Variants in APLF observed in about 807,000 individuals in gnomAD.
APLF encodes aprataxin and PNKP like factor.
APLF carries 61 observed loss-of-function variants against 55.6 expected under a neutral mutation model. The ratio of observed to expected loss-of-function variants is 1.10; its 90% CI spans 0.89 to 1.36. The LOEUF (loss-of-function observed/expected upper bound fraction) is 1.36, where lower values mean the gene tolerates loss of function less well. Among genes scored for constraint, APLF ranks in the 40% most tolerant of loss-of-function variants. The probability of loss-of-function intolerance (pLI) is 0.00; values close to 1 mark genes in which losing one functional copy is unlikely to be tolerated. For synonymous variants in APLF, 207 were observed against 214.8 expected (o/e 0.96, Z 0.32); for missense variants, 611 against 602.5 (o/e 1.01, Z -0.15).
chr2:68,551,778 G>A (rs1283285368), intron 8 of APLF, among the ~76,000 whole-genome samples: 1 of 146,552 alleles, frequency 6.8e-6, no homozygotes, highest in Non-Finnish European at 1.5e-5. Context: ...TTGATTGTTG[G>A]GTCATATTTT....
At chr2:68,501,569 A>G (rs568060235) in intron 2 of APLF, among the ~76,000 whole-genome samples, 86 of 152,312 alleles carry the variant, frequency 5.6e-4, no homozygotes, top group African/African-American at 1.9e-3. Flanking sequence ...GAATCTAGTT[A>G]GAATTTTTAA....
chr2:68,495,378 A>G (rs936925792), intron 2 of APLF, among the ~76,000 whole-genome samples: 2 of 152,202 alleles, frequency 1.3e-5, no homozygotes, highest in Middle Eastern at 3.2e-3. Context: ...GCCCAACACA[A>G]GTTCAAAACC....
At chr2:68,484,930 C>G (rs1206110217) in intron 1 of APLF, among the ~76,000 whole-genome samples, 1 of 151,908 alleles carries the variant, frequency 6.6e-6, no homozygotes, top group Non-Finnish European at 1.5e-5. Context: ...GCAATTTAAT[C>G]AAATAAGGTA....
intron 8 of APLF, among the ~76,000 whole-genome samples, chr2:68,553,139 C>T (rs549808686): frequency 4.3e-4 from 66 of 152,180 alleles, no homozygotes; most frequent in African/African-American, 1.5e-3. Flanking sequence ...GACTGTTAGT[C>T]TTGGCTTTCT....
chr2:68,497,749 G>A (rs556605954), intron 2 of APLF, among the ~76,000 whole-genome samples: 2 of 152,124 alleles, frequency 1.3e-5, no homozygotes, highest in African/African-American at 4.8e-5. Flanking sequence ...AGCACCTCCT[G>A]CCAGGCCCCA....
At chr2:68,521,796 T>C (rs1477302479) in intron 5 of APLF, among the ~76,000 whole-genome samples, 1 of 152,000 alleles carries the variant, frequency 6.6e-6, no homozygotes, top group East Asian at 1.9e-4. Context: ...CCCCATACTG[T>C]TTGGCTTGCA....
At position 68,558,270 on chromosome 2, in the gene APLF, A is replaced by G. The variant is rs560365244; in HGVS notation, c.1287-9071A>G. Among the ~76,000 whole-genome samples the G allele has an allele frequency of 2.6e-3, 402 of 152,292 alleles. 3 individuals are homozygous for G. Among genetic ancestry groups the G allele is most frequent in the Non-Finnish European group, 4.2e-3 (284 of 68,024 alleles). ...TTGTTATATTTACTGTTAATTACACATATATAAAAATTTTCAGAGTTATTT... is the reference window on the plus strand; with the variant it reads ...TTGTTATATTTACTGTTAATTACACGTATATAAAAATTTTCAGAGTTATTT... On this transcript the variant is annotated intron_variant, in intron 8 of 9. Transcript: ENST00000303795.
intron 3 of APLF, among the ~76,000 whole-genome samples, chr2:68,512,606 T>C (rs549461238): frequency 6.6e-6 from 1 of 151,910 alleles, no homozygotes; most frequent in South Asian, 2.1e-4. Flanking sequence ...TACTACAAGT[T>C]TGGGGATATT....
intron 7 of APLF, among the ~76,000 whole-genome samples, chr2:68,539,793 T>A (rs1670496495): frequency 6.6e-6 from 1 of 152,184 alleles, no homozygotes; most frequent in South Asian, 2.1e-4. Flanking sequence ...GCTAACTTCA[T>A]ACTTAATGGT....
chr2:68,518,264 GATAAT>G (rs1669707101), intron 5 of APLF, among the ~76,000 whole-genome samples: 1 of 113,550 alleles, frequency 8.8e-6, no homozygotes, highest in African/African-American at 3.6e-5. Context: ...ATTATGAATA[GATAAT>G]ATATCAGTAT....
chr2:68,467,773 C>G lies in APLF; in HGVS notation c.42C>G (p.Pro14=). The part of the protein sequence containing the change: ...GFELQPRDGG[P]RVALAPGETV... ...AGCTGCAGCCGCGGGACGGCGGTCC[C>G]CGGGTGGCCCTGGCGCCCGGGGAGA... The change falls in exon 1 of 10, where the codon CCC becomes CCG. Residue 14 remains proline, a synonymous_variant. Coordinates refer to ENST00000303795, the MANE Select transcript of APLF (RefSeq NM_173545.3). 1 of 1,234,544 alleles carries G rather than the reference C, an allele frequency of 8.1e-7. No homozygotes were observed. The highest frequency in any genetic ancestry group is 4.1e-5 in the South Asian group (1 of 24,408). The allele number at this position is 1,234,544 out of a possible 1,614,324, so 76.5% of individuals were successfully genotyped here.
At chr2:68,558,650 G>T (rs1045164373) in intron 8 of APLF, among the ~76,000 whole-genome samples, 7 of 151,902 alleles carry the variant, frequency 4.6e-5, no homozygotes, top group African/African-American at 1.7e-4. Context: ...CTTTTATTTT[G>T]ATTTCTGGGG....
chr2:68,534,298 A>G lies in APLF; in HGVS notation c.805-3574A>G, dbSNP rs891562791. 2.2e-4 allele frequency among the ~76,000 whole-genome samples: 33 copies of G among 152,336 alleles called. 1 individual carries two copies. Among genetic ancestry groups the G allele is most frequent in the African/African-American group, 7.5e-4 (31 of 41,586 alleles). On this transcript the variant is annotated intron_variant, in intron 6 of 9. Coordinates refer to ENST00000303795, the MANE Select transcript of APLF (RefSeq NM_173545.3). ...GTCTGGCTATATGAGTTTGAAGCTC[A>G]GGAGTGAAGTTGGGGCTAGAGGTTA...
intron 8 of APLF, among the ~76,000 whole-genome samples, chr2:68,551,018 C>A (rs186225487): frequency 2.0e-5 from 3 of 151,926 alleles, no homozygotes; most frequent in Non-Finnish European, 4.4e-5. Flanking sequence ...AACTTCTTTG[C>A]GTTTTTCTTA....
intron 5 of APLF, among the ~76,000 whole-genome samples, chr2:68,517,652 T>A (rs1669661599): frequency 6.9e-6 from 1 of 144,852 alleles, no homozygotes; most frequent in Non-Finnish European, 1.5e-5. Context: ...CTAATATATG[T>A]TATTAACGTA....
intron 8 of APLF, among the ~76,000 whole-genome samples, chr2:68,557,533 T>C (rs1302742163): frequency 2.0e-5 from 3 of 152,190 alleles, no homozygotes; most frequent in Non-Finnish European, 4.4e-5. Context: ...CAAAAATAAA[T>C]CTTCATAAGG....
intron 3 of APLF, among the ~76,000 whole-genome samples, chr2:68,507,507 T>C (rs1458367633): frequency 2.0e-5 from 3 of 152,038 alleles, no homozygotes; most frequent in Admixed American, 6.6e-5. Context: ...TCTCTACATA[T>C]GTGTCTATGA....
chr2:68,537,928 T>C lies in APLF; in HGVS notation c.861T>C (p.Ile287=). ...ITLSNTEMNN[I]KTNAQRNKLP... ...TAAGTAACACAGAGATGAATAATAT[T>C]AAGACTAATGCACAGAGAAACAAAC... Residue 287 remains isoleucine (I), a synonymous_variant, in exon 7 of 10, where the codon ATT becomes ATC. Coordinates refer to ENST00000303795, the MANE Select transcript of APLF (RefSeq NM_173545.3). 6.2e-7 allele frequency: 1 copy of C among 1,612,236 alleles called. No homozygotes were observed. The highest frequency in any genetic ancestry group is 2.2e-5 in the East Asian group (1 of 44,874).
At chr2:68,526,768 A>G (rs987225340) in intron 6 of APLF, among the ~76,000 whole-genome samples, 1 of 151,662 alleles carries the variant, frequency 6.6e-6, no homozygotes, top group Non-Finnish European at 1.5e-5. Flanking sequence ...GCTCACTGCA[A>G]CCTCCACCTC....
Sources: gnomAD v4.1 joint callset for allele counts (sites outside exome capture counted in the v4.1 genomes callset) on GRCh38, gnomAD v4.1.1 for gene constraint, MANE v1.5 for transcripts, NCBI Gene and HGNC (gene_info 2026-07-23, HGNC 2026-07-21) for gene names.